INPP5A: variants seen among roughly 807,000 people sequenced by gnomAD.
The protein encoded by INPP5A is 43 kDa inositol polyphosphate 5-phophatase.
Under a neutral mutation model 65.2 loss-of-function variants are expected in INPP5A, and 14 were observed. The observed-to-expected ratio is 0.21, with a 90% CI of 0.14 to 0.34. The LOEUF is 0.34. Ranked by LOEUF, INPP5A falls within the 10% of genes least tolerant of loss-of-function variation. INPP5A has a pLI of 1.00. For missense variants in INPP5A, 431 were observed against 545.6 expected (o/e 0.79, Z 2.09); for synonymous variants, 207 against 208.3 (o/e 0.99, Z 0.05).
At chr10:132,778,359 G>A (rs1161492013) in intron 13 of INPP5A, among the ~76,000 whole-genome samples, 1 of 105,338 alleles carries the variant, frequency 9.5e-6, no homozygotes, top group Non-Finnish European at 1.7e-5. Flanking sequence ...GGGCTTGCTT[G>A]CTACATTGGC....
chr10:132,765,962 G>A, intron 12 of INPP5A, 116 bp downstream of exon 12: 2 of 706,274 alleles, frequency 2.8e-6, no homozygotes, highest in Admixed American at 2.0e-5. Context: ...GCATGAGTGT[G>A]TGCATTCTGT....
intron 12 of INPP5A, among the ~76,000 whole-genome samples, chr10:132,776,878 G>A (rs925679653): frequency 6.6e-6 from 1 of 152,202 alleles, no homozygotes. Flanking sequence ...CAGTCCGTGT[G>A]TGCGTGGACT....
At chr10:132,689,147 TCA>T (rs752999587) in intron 4 of INPP5A, among the ~76,000 whole-genome samples, 1 of 152,230 alleles carries the variant, frequency 6.6e-6, no homozygotes, top group Non-Finnish European at 1.5e-5. Context: ...GCCCACAGGC[TCA>T]CACAGACACA....
intron 1 of INPP5A, among the ~76,000 whole-genome samples, chr10:132,600,446 C>G (rs117555760): frequency 6.6e-6 from 1 of 152,348 alleles, no homozygotes; most frequent in East Asian, 1.9e-4. Flanking sequence ...ATTTTACTGT[C>G]TGTATTGCTG....
Position 132,777,676 on chromosome 10 carries a change from C to T in INPP5A, c.983C>T (p.Pro328Leu). 2.5e-6 allele frequency: 4 copies of T among 1,612,614 alleles called. No individual in the cohort carries two copies. The highest frequency in any genetic ancestry group is 3.4e-6 in the Non-Finnish European group (4 of 1,179,818). ...ELDISFPPSY[P>L]YSEDARQGEQ... ...CTGCCTTCATGTCTCCCCAGCTACC[C>T]GTACAGTGAGGACGCCCGCCAGGGT... Residue 328 changes from proline (P) to leucine (L), a missense_variant, in exon 13 of 16, where the codon CCG (proline) becomes CTG (leucine). Coordinates refer to ENST00000368594, the MANE Select transcript of INPP5A (RefSeq NM_005539.5).
At chr10:132,590,106 T>G (rs1013405404) in intron 1 of INPP5A, among the ~76,000 whole-genome samples, 4 of 152,236 alleles carry the variant, frequency 2.6e-5, no homozygotes, top group African/African-American at 9.6e-5. Flanking sequence ...TTATGGCACC[T>G]GGGCTTTCCA....
intron 4 of INPP5A, among the ~76,000 whole-genome samples, chr10:132,658,295 C>T (rs555420917): frequency 1.8e-4 from 27 of 152,290 alleles, no homozygotes; most frequent in African/African-American, 6.3e-4. Flanking sequence ...ATTTGGTCCT[C>T]CACTGTGAAA....
At position 132,616,934 on chromosome 10, in the gene INPP5A, T is replaced by G. The variant is rs1201141731; in HGVS notation, c.117+8978T>G. On this transcript the variant is annotated intron_variant, in intron 2 of 15. Transcript: ENST00000368594. The surrounding 1 kb of genome is among the most constrained non-coding windows in gnomAD (Gnocchi z 4.9). ...CCATCGTGCTGGCCAGTTGCTTTGC[T>G]GCGCTGGTGGGGAGAGGCCGCCTGA... Among the ~76,000 whole-genome samples the G allele has an allele frequency of 6.6e-6, 1 of 152,088 alleles. No homozygotes were observed. Among genetic ancestry groups the G allele is most frequent in the South Asian group, 2.1e-4 (1 of 4,830 alleles).
intron 14 of INPP5A, 58 bp from the exon 15 acceptor site, chr10:132,781,803 C>T: frequency 7.2e-7 from 1 of 1,396,864 alleles, no homozygotes; most frequent in Admixed American, 1.7e-5. Context: ...GAGGCGGCGG[C>T]ATGTGCTGTG....
At position 132,704,288 on chromosome 10, in the gene INPP5A, G is replaced by C. The variant is rs112935235; in HGVS notation, c.475-4025G>C. Among the ~76,000 whole-genome samples the C allele has an allele frequency of 4.5e-3, 678 of 152,316 alleles. 3 individuals are homozygous for C. The highest frequency in any genetic ancestry group is 0.016 in the African/African-American group (647 of 41,562). On this transcript the variant is annotated intron_variant, in intron 6 of 15. Coordinates refer to ENST00000368594, the MANE Select transcript of INPP5A (RefSeq NM_005539.5). The surrounding 1 kb of genome is among the most constrained non-coding windows in gnomAD (Gnocchi z 4.5). ...AGTAGAGGGGCCTCACCCAGTTACT[G>C]TAGATTTGTCACCAGTCACACGTCC...
chr10:132,737,481 A>C (rs1846199078), intron 9 of INPP5A, among the ~76,000 whole-genome samples: 1 of 152,254 alleles, frequency 6.6e-6, no homozygotes, highest in Non-Finnish European at 1.5e-5. Flanking sequence ...GTCATCGTCA[A>C]GTTCTCATCT....
intron 1 of INPP5A, among the ~76,000 whole-genome samples, chr10:132,544,890 G>C (rs928460925): frequency 6.6e-6 from 1 of 152,072 alleles, no homozygotes; most frequent in Non-Finnish European, 1.5e-5. Context: ...AGTCTCTAGA[G>C]TTGCTGAGGA....
intron 4 of INPP5A, among the ~76,000 whole-genome samples, chr10:132,668,947 CAGGA>C (rs1319772424): frequency 2.6e-5 from 4 of 152,232 alleles, no homozygotes; most frequent in African/African-American, 9.6e-5. Context: ...GCCGGAGACA[CAGGA>C]AGGTTAAGAA....
chr10:132,752,903 G>T (rs1375565694), intron 11 of INPP5A, among the ~76,000 whole-genome samples: 1 of 152,112 alleles, frequency 6.6e-6, no homozygotes, highest in East Asian at 1.9e-4. Context: ...TTTGGATTTG[G>T]TTCTGAATGA....
chr10:132,624,871 G>T (rs964591440), intron 2 of INPP5A, among the ~76,000 whole-genome samples: 13 of 148,058 alleles, frequency 8.8e-5, no homozygotes, highest in African/African-American at 3.0e-4. Flanking sequence ...GCTCCATGCC[G>T]CCGGTGCCAG....
At chr10:132,666,575 G>A (rs1279750008) in intron 4 of INPP5A, among the ~76,000 whole-genome samples, 1 of 152,218 alleles carries the variant, frequency 6.6e-6, no homozygotes, top group East Asian at 1.9e-4. Context: ...TGCCGACTTT[G>A]CAGTGGGGCT....
intron 4 of INPP5A, among the ~76,000 whole-genome samples, chr10:132,654,358 G>A (rs1220613330): frequency 1.3e-5 from 2 of 152,254 alleles, no homozygotes; most frequent in East Asian, 3.9e-4. Flanking sequence ...GAGGGTCCAG[G>A]ATGCCCCAGA....
chr10:132,541,230 G>A (rs1044793881), intron 1 of INPP5A, among the ~76,000 whole-genome samples: 1 of 152,140 alleles, frequency 6.6e-6, no homozygotes, highest in Non-Finnish European at 1.5e-5. Context: ...CACCTGCCTC[G>A]GCTTCCCAAA....
At chr10:132,775,288 G>A (rs1022156696) in intron 12 of INPP5A, among the ~76,000 whole-genome samples, 34 of 151,976 alleles carry the variant, frequency 2.2e-4, no homozygotes, top group African/African-American at 4.6e-4. Context: ...TATCACAGCC[G>A]CTCCCACGCT....
Sources: gnomAD v4.1 joint callset for allele counts (sites outside exome capture counted in the v4.1 genomes callset) on GRCh38, gnomAD v4.1.1 for gene constraint, Gnocchi (gnomAD v3.1) non-coding constraint, MANE v1.5 for transcripts, NCBI Gene and HGNC (gene_info 2026-07-23, HGNC 2026-07-21) for gene names.